The following KCNJ10 variants were observed in gnomAD, a reference collection of about 807,000 sequenced individuals.
The protein encoded by KCNJ10 is ATP-sensitive inward rectifier potassium channel 10.
In KCNJ10, 9 loss-of-function variants were observed where a neutral mutation model predicts 22.2. The observed-to-expected ratio is 0.40, with a 90% CI of 0.24 to 0.71. The LOEUF (loss-of-function observed/expected upper bound fraction) is 0.71. Ranked by LOEUF, KCNJ10 falls within the 30% of genes least tolerant of loss-of-function variation. The pLI is 0.35. For missense variants in KCNJ10, 337 were observed against 482.7 expected, an observed-to-expected ratio of 0.70 and a Z score of 2.83; for synonymous variants, 184 against 187.3, an observed-to-expected ratio of 0.98 and a Z score of 0.15.
Position 160,041,722 on chromosome 1 carries a change from G to A in KCNJ10, c.811C>T (p.Arg271Cys), listed in dbSNP as rs1130183. 0.061 allele frequency: 98,731 copies of A among 1,614,064 alleles called. 3,561 individuals are homozygous for A. Among genetic ancestry groups the A allele is most frequent in the Non-Finnish European group, 0.073 (85,936 of 1,179,988 alleles). Residue 271 changes from arginine (R) to cysteine (C), a missense_variant, in exon 2 of 2, where the codon CGC (arginine) becomes TGC (cysteine). Physicochemically the swap from Arg to Cys is radical, Grantham distance 180. Coordinates refer to ENST00000644903, the MANE Select transcript of KCNJ10 (RefSeq NM_002241.5). This position sits in a 1 kb window ranked among gnomAD's most constrained non-coding sequence, Gnocchi z 4.4. ...AGCTCAAAGTCACCCTCACCACTGC[G>A]AAGAGGGAGATCTTTCAAGGGACTG... ...ETSPLKDLPL[R>C]SGEGDFELVL...
intron 1 of KCNJ10, among the ~76,000 whole-genome samples, chr1:160,049,687 A>ATATATATATATATATATATATATATATT (rs1648846503): frequency 4.8e-5 from 5 of 104,110 alleles, no homozygotes; most frequent in African/African-American, 1.8e-4. Flanking sequence ...ATATATATAT[A>ATATATATATATATATATATATATATATT]TATATATATA....
At position 160,042,494 on chromosome 1, in the gene KCNJ10, A is replaced by G. The variant is rs776805483; in HGVS notation, c.39T>C (p.Thr13=). 6.2e-7 allele frequency: 1 copy of G among 1,614,162 alleles called. No individual in the cohort carries two copies. Among genetic ancestry groups the G allele is most frequent in the Non-Finnish European group, 8.5e-7 (1 of 1,180,040 alleles). ...CCATTAGGGGCCGGCTTTCTGTCTG[A>G]GTGGTCTGACTGTAATACACCTTGG... ...SVAKVYYSQT[T]QTESRPLMGP... is the part of the protein sequence containing the mutation. The change falls in exon 2 of 2, where the codon ACT becomes ACC. Residue 13 remains threonine (T), a synonymous_variant. Transcript: ENST00000644903.
At chr1:160,047,665 CT>C (rs1333405652) in intron 1 of KCNJ10, among the ~76,000 whole-genome samples, 2 of 152,208 alleles carry the variant, frequency 1.3e-5, no homozygotes, top group Non-Finnish European at 2.9e-5. Flanking sequence ...TTCATCTTCT[CT>C]GTCCCTCCCA....
At chr1:160,062,554 G>A (rs950484187) in intron 1 of KCNJ10, 5 of 152,324 alleles carry the variant, frequency 3.3e-5, no homozygotes, top group Admixed American at 2.6e-4. Flanking sequence ...GGAGACAGGG[G>A]AGGAGACTAG....
rs1193627880 is a variant in KCNJ10, at chr1:160,042,069, G to C, written c.464C>G (p.Thr155Ser). 1.9e-6 allele frequency: 3 copies of C among 1,553,020 alleles called. No individual in the cohort carries two copies. The highest frequency in any genetic ancestry group is 2.6e-6 in the Non-Finnish European group (3 of 1,149,330). Residue 155 changes from threonine to serine, a missense_variant, in exon 2 of 2, where the codon ACC (threonine) becomes AGC (serine). By Grantham distance (58) the Thr-to-Ser change is moderately conservative. Transcript: ENST00000644903. ...ACCTGTGATGAAGATTTCCAGGATG[G>C]TGGTGAGCACCAGCTGGGCAATAAG... ...VLLIAQLVLTTILEIFITGTF... is the reference protein window; with the variant it reads ...VLLIAQLVLTSILEIFITGTF...
At chr1:160,063,835 G>A (rs1459920098) in intron 1 of KCNJ10, among the ~76,000 whole-genome samples, 1 of 152,226 alleles carries the variant, frequency 6.6e-6, no homozygotes, top group Non-Finnish European at 1.5e-5. Context: ...AGTGGATTCA[G>A]GGGCAAGGCT....
At chr1:160,055,765 G>A (rs1649014879) in intron 1 of KCNJ10, among the ~76,000 whole-genome samples, 1 of 152,060 alleles carries the variant, frequency 6.6e-6, no homozygotes, top group Admixed American at 6.5e-5. Context: ...CATCTCTCTT[G>A]CTGTAATCTC....
At chr1:160,046,055 G>A (rs1480181287) in intron 1 of KCNJ10, among the ~76,000 whole-genome samples, 5 of 152,156 alleles carry the variant, frequency 3.3e-5, no homozygotes, top group Non-Finnish European at 4.4e-5. Context: ...TATACCCATG[G>A]TGGGTGAGGA....
chr1:160,061,118 A>C (rs906126496), intron 1 of KCNJ10, among the ~76,000 whole-genome samples: 106 of 151,996 alleles, frequency 7.0e-4, no homozygotes, highest in African/African-American at 2.4e-3. Context: ...ACTCCTTCCC[A>C]AAAAAAGGTG....
At chr1:160,047,639 ACT>A (rs1218893371) in intron 1 of KCNJ10, among the ~76,000 whole-genome samples, 1 of 151,958 alleles carries the variant, frequency 6.6e-6, no homozygotes, top group Non-Finnish European at 1.5e-5. Flanking sequence ...GCCTTCCCTG[ACT>A]CTCAAAAAAA....
In KCNJ10 at chr1:160,042,323, G is replaced by A. The variant is rs768340401; in HGVS notation, c.210C>T (p.Leu70=). Residue 70 remains leucine, a synonymous_variant, in exon 2 of 2, where the codon CTC becomes CTT. Transcript: ENST00000644903. The stretch of plus-strand genomic sequence containing the variant: ...ATGTGCCTGCAAAGGTCGCAGAGAA[G>A]AGCAGAAGCTTGTAGCGCCACTGCA... The part of the protein sequence containing the change: ...IDMQWRYKLL[L]FSATFAGTWF... The A allele has an allele frequency of 6.2e-7, 1 of 1,613,524 alleles. No homozygotes were observed. Among genetic ancestry groups the A allele is most frequent in the Non-Finnish European group, 8.5e-7 (1 of 1,179,418 alleles).
Position 160,039,760 on chromosome 1 carries a change from T to C in KCNJ10, c.*1633A>G, listed in dbSNP as rs529592978. Reference sequence around the variant, plus strand: ...TGTACATAGATGCATGTATATATTCTGTAGCTTGTAACAATTGGCTGAGAC... The same window carrying C: ...TGTACATAGATGCATGTATATATTCCGTAGCTTGTAACAATTGGCTGAGAC... On this transcript the variant is annotated 3_prime_UTR_variant, in exon 2 of 2. Coordinates refer to ENST00000644903, the MANE Select transcript of KCNJ10 (RefSeq NM_002241.5). 1 of 152,390 alleles carries C rather than the reference T, an allele frequency of 6.6e-6. No homozygotes were observed. Among genetic ancestry groups the C allele is most frequent in the African/African-American group, 2.4e-5 (1 of 41,592 alleles). 9.4% of individuals were successfully genotyped at this position (152,390 alleles called of 1,614,324 possible).
chr1:160,063,761 C>T (rs1186679), intron 1 of KCNJ10, among the ~76,000 whole-genome samples: 33,168 of 152,152 alleles, frequency 0.22, 4,493 homozygotes, highest in Non-Finnish European at 0.3. Context: ...CTCTCTGGGC[C>T]GAGCTCCTAT....
chr1:160,059,837 G>A (rs1418588139), intron 1 of KCNJ10, among the ~76,000 whole-genome samples: 1 of 152,138 alleles, frequency 6.6e-6, no homozygotes, highest in Non-Finnish European at 1.5e-5. Context: ...TTCTCATCAA[G>A]GCAATGAGTT....
rs1648562413 is a variant in KCNJ10 at position 160,039,835 on chromosome 1, G to GT, written c.*1557dup. ...TAGTGGGACTATGCAGTACCACTATGTGAGGCTTCCTTGGTACCAAAGTGA... is the reference window on the plus strand; with the variant it reads ...TAGTGGGACTATGCAGTACCACTATGTTGAGGCTTCCTTGGTACCAAAGTGA... On this transcript the variant is annotated 3_prime_UTR_variant, in exon 2 of 2. Coordinates refer to ENST00000644903, the MANE Select transcript of KCNJ10 (RefSeq NM_002241.5). 1 of 152,202 alleles carries GT rather than the reference G, an allele frequency of 6.6e-6. No homozygotes were observed. The highest frequency in any genetic ancestry group is 6.5e-5 in the Admixed American group (1 of 15,276). The allele number at this position is 152,202 out of a possible 1,614,324, so 9.4% of individuals were successfully genotyped here.
chr1:160,061,822 G>A (rs1252522044), intron 1 of KCNJ10, among the ~76,000 whole-genome samples: 2 of 151,894 alleles, frequency 1.3e-5, no homozygotes. Context: ...GTGGACGTGC[G>A]ATCTGTGTGC....
intron 1 of KCNJ10, among the ~76,000 whole-genome samples, chr1:160,055,437 C>A (rs140652291): frequency 6.6e-6 from 1 of 152,270 alleles, no homozygotes; most frequent in East Asian, 1.9e-4. Context: ...ACTGACCGGT[C>A]TGTTCTTAAC....
intron 1 of KCNJ10, among the ~76,000 whole-genome samples, chr1:160,063,120 G>A (rs1478718574): frequency 1.3e-5 from 2 of 152,122 alleles, no homozygotes; most frequent in African/African-American, 4.8e-5. Flanking sequence ...CAATCTGTGA[G>A]GAGAAGCTTC....
intron 1 of KCNJ10, among the ~76,000 whole-genome samples, chr1:160,060,796 A>G (rs889440735): frequency 2.0e-5 from 3 of 152,156 alleles, no homozygotes; most frequent in African/African-American, 7.2e-5. Context: ...GATACAGCCT[A>G]CAGATCCTCG....
Sources: gnomAD v4.1 joint callset for allele counts (sites outside exome capture counted in the v4.1 genomes callset) on GRCh38, gnomAD v4.1.1 for gene constraint, Gnocchi (gnomAD v3.1) non-coding constraint, MANE v1.5 for transcripts, NCBI Gene and HGNC (gene_info 2026-07-23, HGNC 2026-07-21) for gene names.